Variants in PRR14L observed in about 807,000 individuals in gnomAD.
PRR14L encodes protein PRR14L.
In PRR14L, 80 loss-of-function variants were observed where a neutral mutation model predicts 155.0. The ratio of observed to expected loss-of-function variants is 0.52; its 90% CI spans 0.43 to 0.62. The LOEUF is 0.62. Among genes scored for constraint, PRR14L ranks in the 20% least tolerant of loss-of-function variants. The pLI, the probability that PRR14L is intolerant of heterozygous loss-of-function variation, is 0.00. For missense variants in PRR14L, 2,469 were observed against 2,548.0 expected (o/e 0.97, Z 0.67); for synonymous variants, 883 against 916.0 (o/e 0.96, Z 0.65).
intron 7 of PRR14L, 130 bp from the exon 8 acceptor site, chr22:31,688,357 C>T (rs2147851218): frequency 8.3e-7 from 1 of 1,208,084 alleles, no homozygotes; most frequent in East Asian, 3.3e-5. Flanking sequence ...TAAACTCTAG[C>T]CATCCTCCAG....
chr22:31,749,440 G>A (rs1204959829), intron 1 of PRR14L, among the ~76,000 whole-genome samples: 2 of 152,116 alleles, frequency 1.3e-5, no homozygotes, highest in Non-Finnish European at 2.9e-5. Context: ...GGGTACAGGC[G>A]AAAAATAAAG....
chr22:31,719,588 T>C (rs1341438205), intron 3 of PRR14L, among the ~76,000 whole-genome samples: 1 of 152,150 alleles, frequency 6.6e-6, no homozygotes, highest in Non-Finnish European at 1.5e-5. Flanking sequence ...TGAACGAATA[T>C]AGTTAGGTCA....
chr22:31,736,211 T>C (rs1601516208), intron 2 of PRR14L, among the ~76,000 whole-genome samples: 7 of 109,690 alleles, frequency 6.4e-5, no homozygotes, highest in Admixed American at 2.1e-4. Flanking sequence ...AGAACGAGAC[T>C]CCATCTCAAA....
intron 7 of PRR14L, among the ~76,000 whole-genome samples, chr22:31,700,284 G>T (rs975962272): frequency 2.0e-5 from 3 of 152,144 alleles, no homozygotes; most frequent in African/African-American, 4.8e-5. Context: ...ACATATAAAT[G>T]CAAGAGAGAA....
chr22:31,705,371 C>T (rs903064873), intron 4 of PRR14L, among the ~76,000 whole-genome samples: 1 of 151,834 alleles, frequency 6.6e-6, no homozygotes, highest in African/African-American at 2.4e-5. Context: ...TAGAGAGAAA[C>T]CAATTATTTT....
rs1173445164 is a variant in PRR14L at position 31,681,395 on chromosome 22, CAGTGGAA to C, written c.*4125_*4131del. 1.3e-5 allele frequency: 2 copies of C among 152,118 alleles called. No individual in the cohort carries two copies. Among genetic ancestry groups the C allele is most frequent in the African/African-American group, 2.4e-5 (1 of 41,410 alleles). 9.4% of individuals were successfully genotyped at this position (152,118 alleles called of 1,614,324 possible). A position where few individuals can be genotyped will look rare whatever the true frequency, so the allele number is the denominator to read the frequency against. On this transcript the variant is annotated 3_prime_UTR_variant, in exon 9 of 9. Transcript: ENST00000327423. ...TATTTTCATAAATTAACACACATAA[CAGTGGAA>C]ATCTTAGAGTCACAAACTACCAAAC... is the stretch of plus-strand genomic sequence containing the variant.
chr22:31,694,746 C>T (rs1404316152), intron 7 of PRR14L, among the ~76,000 whole-genome samples: 2 of 149,044 alleles, frequency 1.3e-5, no homozygotes, highest in Admixed American at 6.8e-5. Context: ...AGCAAGACTC[C>T]GTCTCAACAA....
intron 2 of PRR14L, among the ~76,000 whole-genome samples, chr22:31,732,215 G>C (rs1943729248): frequency 6.6e-6 from 1 of 152,158 alleles, no homozygotes; most frequent in South Asian, 2.1e-4. Flanking sequence ...TATAGATATT[G>C]ATTTGCATTT....
At chr22:31,708,892 T>A (rs1224709673) in intron 4 of PRR14L, among the ~76,000 whole-genome samples, 1 of 152,156 alleles carries the variant, frequency 6.6e-6, no homozygotes, top group Non-Finnish European at 1.5e-5. Flanking sequence ...AATGGTGCAA[T>A]CTCGGCTCAG....
intron 4 of PRR14L, among the ~76,000 whole-genome samples, chr22:31,705,943 G>T (rs2074588485): frequency 6.6e-6 from 1 of 151,972 alleles, no homozygotes; most frequent in Non-Finnish European, 1.5e-5. Context: ...GGAGATTGTA[G>T]TAAGCTGAGA....
chr22:31,725,387 C>T (rs189414137), intron 3 of PRR14L, 151 bp downstream of exon 3: 97 of 614,802 alleles, frequency 1.6e-4, no homozygotes, highest in African/African-American at 1.1e-3. Context: ...TACTAAGATA[C>T]GATCTACAGT....
At chr22:31,739,817 T>G (rs975947201) in intron 1 of PRR14L, among the ~76,000 whole-genome samples, 2 of 152,200 alleles carry the variant, frequency 1.3e-5, no homozygotes, top group African/African-American at 4.8e-5. Flanking sequence ...CTATGCAGTT[T>G]GTAATACTGC....
chr22:31,729,505 C>G (rs2074736310), intron 2 of PRR14L, among the ~76,000 whole-genome samples: 1 of 152,190 alleles, frequency 6.6e-6, no homozygotes, highest in African/African-American at 2.4e-5. Flanking sequence ...GCGTGAGCCA[C>G]CACGCCCGGC....
intron 1 of PRR14L, among the ~76,000 whole-genome samples, chr22:31,740,174 C>T (rs915995546): frequency 3.9e-5 from 6 of 152,078 alleles, no homozygotes; most frequent in African/African-American, 1.4e-4. Context: ...GATCCTCCTG[C>T]CTCAGCTTCC....
chr22:31,709,586 G>A (rs1486067949), intron 4 of PRR14L, among the ~76,000 whole-genome samples: 2 of 139,976 alleles, frequency 1.4e-5, no homozygotes, highest in African/African-American at 5.5e-5. Context: ...CTGTTGACAG[G>A]CTGGAGTGCA....
At chr22:31,737,178 C>T (rs968754702) in intron 2 of PRR14L, among the ~76,000 whole-genome samples, 10 of 151,930 alleles carry the variant, frequency 6.6e-5, no homozygotes, top group Admixed American at 2.6e-4. Flanking sequence ...AGGTACATTC[C>T]TTTAAGAATT....
Position 31,714,385 on chromosome 22 carries a change from A to C in PRR14L, c.3454T>G (p.Cys1152Gly). Residue 1152 changes from cysteine (C) to glycine (G), a missense_variant, in exon 4 of 9, where the codon TGT becomes GGT. By Grantham distance (159) the Cys-to-Gly change is radical (BLOSUM62 -3). Coordinates refer to ENST00000327423, the MANE Select transcript of PRR14L (RefSeq NM_173566.3). ...DCEMEKCPDS[C>G]AHEMESVADH... is the part of the protein sequence containing the mutation. ...GCAACAGACTCCATCTCATGGGCAC[A>C]AGAGTCTGGACACTTTTCCATTTCA... 6.4e-7 allele frequency: 1 copy of C among 1,551,718 alleles called. No individual in the cohort carries two copies. The highest frequency in any genetic ancestry group is 1.4e-5 in the African/African-American group (1 of 73,178).
At chr22:31,727,023 C>T (rs2147870475) in intron 2 of PRR14L, among the ~76,000 whole-genome samples, 1 of 152,232 alleles carries the variant, frequency 6.6e-6, no homozygotes, top group South Asian at 2.1e-4. Context: ...CAGCACAGGC[C>T]AGTGACATAC....
At chr22:31,705,827 C>A (rs949693489) in intron 4 of PRR14L, among the ~76,000 whole-genome samples, 2 of 151,020 alleles carry the variant, frequency 1.3e-5, no homozygotes, top group Admixed American at 1.3e-4. Flanking sequence ...TGGCAAAACC[C>A]CATCTCTACT....
Sources: allele counts gnomAD v4.1 joint callset (sites outside exome capture counted in the v4.1 genomes callset), GRCh38; gene constraint gnomAD v4.1.1; transcripts MANE v1.5; gene names NCBI Gene and HGNC (gene_info 2026-07-23, HGNC 2026-07-21).